Variants in ANTXR2 observed in about 807,000 individuals in gnomAD.
ANTXR2 encodes the protein anthrax toxin receptor 2.
In ANTXR2, 44 loss-of-function variants were observed where a neutral mutation model predicts 73.7. The observed-to-expected ratio is 0.60, with a 90% CI of 0.47 to 0.77. ANTXR2 has a LOEUF of 0.77. Among genes scored for constraint, ANTXR2 ranks in the 30% least tolerant of loss-of-function variants. ANTXR2 has a pLI of 0.00. For synonymous variants in ANTXR2, 217 were observed against 205.9 expected, an observed-to-expected ratio of 1.05 and a Z score of -0.46; for missense variants, 604 against 592.5, an observed-to-expected ratio of 1.02 and a Z score of -0.20.
At chr4:79,993,173 A>G (rs922713279) in intron 12 of ANTXR2, among the ~76,000 whole-genome samples, 15 of 152,104 alleles carry the variant, frequency 9.9e-5, no homozygotes, top group Non-Finnish European at 2.2e-4. Flanking sequence ...GTCTAGCACA[A>G]ATTAGACTTT....
At chr4:79,914,719 T>G (rs1727279202) in intron 16 of ANTXR2, among the ~76,000 whole-genome samples, 1 of 152,196 alleles carries the variant, frequency 6.6e-6, no homozygotes, top group Admixed American at 6.6e-5. Flanking sequence ...AGTTTATACA[T>G]GCAAGCATGG....
intron 12 of ANTXR2, among the ~76,000 whole-genome samples, chr4:80,005,063 A>ATAATATG (rs1475057418): frequency 6.6e-6 from 1 of 152,182 alleles, no homozygotes; most frequent in Non-Finnish European, 1.5e-5. Flanking sequence ...TCATGTTATA[A>ATAATATG]AATATGACTT....
chr4:80,035,195 A>C (rs921787598), intron 8 of ANTXR2, among the ~76,000 whole-genome samples: 2 of 152,198 alleles, frequency 1.3e-5, no homozygotes, highest in African/African-American at 4.8e-5. Flanking sequence ...GAAATGTATT[A>C]ACCTTCACTG....
chr4:79,936,206 A>G (rs1378004810), intron 16 of ANTXR2, among the ~76,000 whole-genome samples: 1 of 152,348 alleles, frequency 6.6e-6, no homozygotes, highest in East Asian at 1.9e-4. Context: ...TTTAATCACT[A>G]TTACACAAGT....
intron 8 of ANTXR2, among the ~76,000 whole-genome samples, chr4:80,034,367 G>A (rs1332171560): frequency 6.6e-6 from 1 of 152,094 alleles, no homozygotes; most frequent in Non-Finnish European, 1.5e-5. Flanking sequence ...GTAAATTGAA[G>A]CACAAATAAA....
At chr4:79,926,813 T>A (rs1015103267) in intron 16 of ANTXR2, among the ~76,000 whole-genome samples, 39 of 151,750 alleles carry the variant, frequency 2.6e-4, no homozygotes, top group Non-Finnish European at 3.8e-4. Flanking sequence ...GTAGCCAAGA[T>A]ATGGAAACAA....
intron 12 of ANTXR2, among the ~76,000 whole-genome samples, chr4:80,003,823 T>C (rs993145410): frequency 3.3e-5 from 5 of 152,202 alleles, no homozygotes; most frequent in African/African-American, 9.6e-5. Context: ...GCATGTGAGA[T>C]GGTACCACCA....
At chr4:79,992,955 C>G (rs544656947) in intron 12 of ANTXR2, among the ~76,000 whole-genome samples, 86 of 152,200 alleles carry the variant, frequency 5.7e-4, no homozygotes, top group Middle Eastern at 3.4e-3. Flanking sequence ...CTTCCTCTCT[C>G]CCTGATGAAT....
Position 80,072,465 on chromosome 4 carries a change from G to A in ANTXR2, c.96C>T (p.Arg32=), listed in dbSNP as rs755715049. ...TTCTGCAGGAGGGCTGCTCCTGGGC[G>A]CGCAGCAGCCCCCCGGGACCGCTGA... ...LVLSGPGGLL[R]AQEQPSCRRA... The change falls in exon 1 of 17, where the codon CGC becomes CGT. Residue 32 remains arginine, a synonymous_variant. Coordinates refer to ENST00000403729, the MANE Select transcript of ANTXR2 (RefSeq NM_058172.6). 2 of 1,610,126 alleles carry A rather than the reference G, an allele frequency of 1.2e-6. No homozygotes were observed. Among genetic ancestry groups the A allele is most frequent in the Non-Finnish European group, 1.7e-6 (2 of 1,178,352 alleles).
In ANTXR2 at chr4:79,985,897, A is replaced by G. The variant is rs942561245; in HGVS notation, c.1042-1034T>C. On this transcript the variant is annotated intron_variant, in intron 12 of 16. Coordinates refer to ENST00000403729, the MANE Select transcript of ANTXR2 (RefSeq NM_058172.6). ...ACTCTTGTTTCCCAGGCTGGAGTGC[A>G]ATGGCATGACCTCAGCTCACTGCAA... Among the ~76,000 whole-genome samples, 8 of 142,762 alleles carry G rather than the reference A, an allele frequency of 5.6e-5. No homozygotes were observed. In the East Asian group the frequency reaches 1.4e-3, roughly 25 times the overall value. The allele number at this position is 142,762 out of a possible 152,430, so 93.7% of individuals were successfully genotyped here. A position where few individuals can be genotyped will look rare whatever the true frequency, so the allele number is the denominator to read the frequency against.
At chr4:80,026,621 A>G (rs1013225501) in intron 10 of ANTXR2, among the ~76,000 whole-genome samples, 3 of 152,078 alleles carry the variant, frequency 2.0e-5, no homozygotes, top group African/African-American at 7.2e-5. Context: ...TAGTAGAATT[A>G]TCTACTAAAT....
At position 80,055,439 on chromosome 4, in the gene ANTXR2, C is replaced by A; in HGVS notation, c.407G>T (p.Gly136Val). Residue 136 changes from glycine (G) to valine (V), a missense_variant, in exon 5 of 17, where the codon GGC becomes GTC. Physicochemically the swap from Gly to Val is moderately radical, Grantham distance 109. Coordinates refer to ENST00000403729, the MANE Select transcript of ANTXR2 (RefSeq NM_058172.6). ...AATTATGATACTGGAGGTTTTCAAGCCTCCTGCTTTCTGAATTTGTTCATT... is the reference window on the plus strand; with the variant it reads ...AATTATGATACTGGAGGTTTTCAAGACTCCTGCTTTCTGAATTTGTTCATT... The part of the protein sequence containing the change: ...LANEQIQKAG[G>V]LKTSSIIIAL... The A allele has an allele frequency of 6.2e-7, 1 of 1,610,606 alleles. No homozygotes were observed. The highest frequency in any genetic ancestry group is 8.5e-7 in the Non-Finnish European group (1 of 1,178,032).
At chr4:79,995,765 A>C (rs1385794357) in intron 12 of ANTXR2, among the ~76,000 whole-genome samples, 1 of 151,990 alleles carries the variant, frequency 6.6e-6, no homozygotes, top group Non-Finnish European at 1.5e-5. Context: ...GACTTATTAT[A>C]CATTTAAAAT....
chr4:80,064,971 C>T (rs1465745413), intron 3 of ANTXR2, among the ~76,000 whole-genome samples: 1 of 152,166 alleles, frequency 6.6e-6, no homozygotes, highest in Non-Finnish European at 1.5e-5. Flanking sequence ...CTGCTTGCAA[C>T]TTGTTAACTG....
chr4:79,998,319 C>T (rs1360467634), intron 12 of ANTXR2, among the ~76,000 whole-genome samples: 1 of 151,972 alleles, frequency 6.6e-6, no homozygotes, highest in Non-Finnish European at 1.5e-5. Context: ...TTGCAATTTT[C>T]CCTTGAGGCT....
intron 3 of ANTXR2, 110 bp downstream of exon 3, chr4:80,069,326 T>G: frequency 2.4e-6 from 2 of 816,532 alleles, no homozygotes; most frequent in Non-Finnish European, 4.1e-6. Flanking sequence ...GAATTGTCTG[T>G]GCATCTGCTT....
At chr4:79,926,185 C>T (rs1051535090) in intron 16 of ANTXR2, among the ~76,000 whole-genome samples, 7 of 152,086 alleles carry the variant, frequency 4.6e-5, no homozygotes, top group Non-Finnish European at 1.0e-4. Context: ...TATCCAATAT[C>T]TTTAAGAATT....
chr4:80,055,093 T>C, intron 6 of ANTXR2, 57 bp downstream of exon 6: 1 of 1,450,034 alleles, frequency 6.9e-7, no homozygotes. Flanking sequence ...TTTGTTAAAC[T>C]ATCCTTAAGA....
At chr4:80,019,257 C>T (rs1732039475) in intron 10 of ANTXR2, among the ~76,000 whole-genome samples, 2 of 152,114 alleles carry the variant, frequency 1.3e-5, no homozygotes, top group South Asian at 4.1e-4. Flanking sequence ...ATCTCAGCTA[C>T]TCAGGAGGCT....
Sources: gnomAD v4.1 joint callset for allele counts (sites outside exome capture counted in the v4.1 genomes callset) on GRCh38, gnomAD v4.1.1 for gene constraint, MANE v1.5 for transcripts, NCBI Gene and HGNC (gene_info 2026-07-23, HGNC 2026-07-21) for gene names.